Variants in GRM8 observed in about 807,000 individuals in gnomAD.
The protein encoded by GRM8 is metabotropic glutamate receptor 8.
Under a neutral mutation model 87.2 loss-of-function variants are expected in GRM8, and 47 were observed. The ratio of observed to expected loss-of-function variants is 0.54; its 90% CI spans 0.43 to 0.69. The LOEUF is 0.69. GRM8 is among the 30% of genes least tolerant of loss of function. GRM8 has a pLI of 0.00. For missense variants in GRM8, 1,019 were observed against 1,139.2 expected, an observed-to-expected ratio of 0.89 and a Z score of 1.52; for synonymous variants, 396 against 404.5, an observed-to-expected ratio of 0.98 and a Z score of 0.25.
intron 3 of GRM8, among the ~76,000 whole-genome samples, chr7:126,912,795 C>T (rs1408278367): frequency 6.6e-6 from 1 of 152,154 alleles, no homozygotes; most frequent in East Asian, 1.9e-4. Flanking sequence ...ATGAAGATAT[C>T]ATTTTTCTGA....
chr7:126,974,132 C>A (rs548655570), intron 3 of GRM8, among the ~76,000 whole-genome samples: 1 of 152,070 alleles, frequency 6.6e-6, no homozygotes, highest in Non-Finnish European at 1.5e-5. Context: ...TATATGTATA[C>A]GGTGTAATAA....
At chr7:126,972,014 G>C (rs1183291536) in intron 3 of GRM8, among the ~76,000 whole-genome samples, 5 of 152,212 alleles carry the variant, frequency 3.3e-5, no homozygotes, top group African/African-American at 1.2e-4. Flanking sequence ...CGTGGAGGTA[G>C]AGACAGGGTC....
chr7:126,896,332 T>C (rs1801538926), intron 6 of GRM8, among the ~76,000 whole-genome samples: 1 of 152,018 alleles, frequency 6.6e-6, no homozygotes, highest in Admixed American at 6.6e-5. Context: ...GGCTACCTGG[T>C]AGTGCTCACG....
rs150601570 is a variant in GRM8 at position 127,168,792 on chromosome 7, G to A, written c.511-62080C>T. ...ACACTGCATGTTCTCACACATAAGT[G>A]GGAGTTGAACCATGAGAACACATGG... On this transcript the variant is annotated intron_variant, in intron 2 of 10. Transcript: ENST00000339582. Among the ~76,000 whole-genome samples the A allele has an allele frequency of 2.3e-3, 354 of 152,144 alleles. 1 individual carries two copies. The highest frequency in any genetic ancestry group is 7.8e-3 in the African/African-American group (324 of 41,506).
chr7:126,737,194 G>A (rs114878402), intron 7 of GRM8, among the ~76,000 whole-genome samples: 2 of 151,932 alleles, frequency 1.3e-5, no homozygotes, highest in East Asian at 3.9e-4. Context: ...CTATTGTAAA[G>A]CCTAAGACCA....
At chr7:126,590,058 A>G (rs892024443) in intron 8 of GRM8, among the ~76,000 whole-genome samples, 7 of 152,008 alleles carry the variant, frequency 4.6e-5, no homozygotes, top group African/African-American at 1.7e-4. Flanking sequence ...AAGAATTCAG[A>G]AGGCCAATTA....
chr7:127,109,107 T>G (rs1001383903), intron 2 of GRM8, among the ~76,000 whole-genome samples: 1 of 152,186 alleles, frequency 6.6e-6, no homozygotes, highest in Non-Finnish European at 1.5e-5. Flanking sequence ...TAAAAATTTT[T>G]TAAAGACCTG....
intron 2 of GRM8, among the ~76,000 whole-genome samples, chr7:127,134,947 T>C (rs1827869948): frequency 6.6e-6 from 1 of 152,074 alleles, no homozygotes; most frequent in Non-Finnish European, 1.5e-5. Flanking sequence ...ATTAAACACA[T>C]GAATAACAGA....
At chr7:126,545,847 C>T (rs981926625) in intron 8 of GRM8, among the ~76,000 whole-genome samples, 7 of 152,204 alleles carry the variant, frequency 4.6e-5, no homozygotes, top group South Asian at 2.1e-4. Context: ...TTTCTTTTTT[C>T]CATGTACTAA....
intron 7 of GRM8, among the ~76,000 whole-genome samples, chr7:126,670,124 AAAAT>A (rs1274907611): frequency 2.8e-4 from 43 of 152,332 alleles, no homozygotes; most frequent in Admixed American, 2.6e-3. Context: ...TCATTTTGGC[AAAAT>A]AAATAATTTA....
chr7:126,603,992 C>T (rs191512727), intron 8 of GRM8, among the ~76,000 whole-genome samples: 1 of 133,212 alleles, frequency 7.5e-6, no homozygotes, highest in East Asian at 2.4e-4. Flanking sequence ...ATGATTTTTG[C>T]ATTAAAAAAA....
chr7:126,495,113 A>G (rs1043432979), intron 9 of GRM8, among the ~76,000 whole-genome samples: 2 of 152,056 alleles, frequency 1.3e-5, no homozygotes, highest in African/African-American at 4.8e-5. Flanking sequence ...ACTGTGCAAC[A>G]GTTCTGGTAC....
chr7:126,832,600 CAT>C (rs1375573424), intron 6 of GRM8, among the ~76,000 whole-genome samples: 1 of 152,146 alleles, frequency 6.6e-6, no homozygotes, highest in African/African-American at 2.4e-5. Flanking sequence ...TGTCATCAAA[CAT>C]AGTCATAGTA....
chr7:126,892,405 C>A (rs1003785367), intron 6 of GRM8, among the ~76,000 whole-genome samples: 3 of 152,164 alleles, frequency 2.0e-5, no homozygotes, highest in Admixed American at 1.3e-4. Context: ...TTTGTTCCTG[C>A]AATAGTTTAC....
At position 127,106,532 on chromosome 7, in the gene GRM8, C is replaced by T. The variant is rs779109567; in HGVS notation, c.691G>A (p.Gly231Ser). ...GAGATCTGGGTGAAGGCCTCCACAC[C>T]GCTCTCACCATAGTTCCCCTCAGAA... ...LASEGNYGES[G>S]VEAFTQISRE... The change falls in exon 3 of 11, where the codon GGT becomes AGT. Residue 231 changes from glycine to serine, a missense_variant. Physicochemically the swap from Gly to Ser is moderately conservative, Grantham distance 56. Transcript: ENST00000339582. The T allele has an allele frequency of 6.2e-6, 10 of 1,613,756 alleles. No individual in the cohort carries two copies. The highest frequency in any genetic ancestry group is 1.6e-4 in the Middle Eastern group (1 of 6,076).
chr7:127,171,354 G>A (rs887550567), intron 2 of GRM8, among the ~76,000 whole-genome samples: 4 of 152,230 alleles, frequency 2.6e-5, no homozygotes, highest in African/African-American at 9.6e-5. Flanking sequence ...TTATAAAGCA[G>A]CAGCAGGGTT....
intron 6 of GRM8, among the ~76,000 whole-genome samples, chr7:126,828,857 C>G (rs1795076060): frequency 6.6e-6 from 1 of 152,076 alleles, no homozygotes; most frequent in African/African-American, 2.4e-5. Flanking sequence ...AAATTTCCCT[C>G]TACACACTGC....
intron 6 of GRM8, among the ~76,000 whole-genome samples, chr7:126,899,319 G>A (rs1801841287): frequency 6.6e-6 from 1 of 152,072 alleles, no homozygotes; most frequent in African/African-American, 2.4e-5. Context: ...TCTATAAACT[G>A]CCACTTTGTA....
At chr7:126,768,374 A>AAAAAC (rs1289456983) in intron 7 of GRM8, among the ~76,000 whole-genome samples, 1 of 149,878 alleles carries the variant, frequency 6.7e-6, no homozygotes, top group African/African-American at 2.4e-5. Flanking sequence ...AAAAAAAAAA[A>AAAAAC]AAAAAAAGTG....
Sources: allele counts gnomAD v4.1 joint callset (sites outside exome capture counted in the v4.1 genomes callset), GRCh38; gene constraint gnomAD v4.1.1; transcripts MANE v1.5; gene names NCBI Gene and HGNC (gene_info 2026-07-23, HGNC 2026-07-21).